Variants in ECPAS observed in about 807,000 individuals in gnomAD.
ECPAS encodes proteasome adapter and scaffold protein ECM29.
In ECPAS, 70 loss-of-function variants were observed where a neutral mutation model predicts 255.1. The ratio of observed to expected loss-of-function variants is 0.27; its 90% CI spans 0.23 to 0.33. The LOEUF (loss-of-function observed/expected upper bound fraction) is 0.33, where lower values mean the gene tolerates loss of function less well. ECPAS is among the 10% of genes least tolerant of loss of function. The pLI is 1.00. For missense variants in ECPAS, 1,817 were observed against 2,206.4 expected (o/e 0.82, Z 3.54); for synonymous variants, 784 against 775.0 (o/e 1.01, Z -0.19).
intron 2 of ECPAS, among the ~76,000 whole-genome samples, chr9:111,471,893 AG>A (rs2098288707): frequency 6.6e-6 from 1 of 152,124 alleles, no homozygotes; most frequent in Non-Finnish European, 1.5e-5. Context: ...GCTTGAGCTC[AG>A]GAGTTCCAGA....
chr9:111,428,245 G>A (rs2098224608), intron 9 of ECPAS, 84 bp from the exon 10 acceptor site: 1 of 1,339,266 alleles, frequency 7.5e-7, no homozygotes. Context: ...CTTAATCAGT[G>A]GTCTCTCAAA....
chr9:111,377,820 C>A (rs1589120875), intron 36 of ECPAS, among the ~76,000 whole-genome samples: 1 of 152,182 alleles, frequency 6.6e-6, no homozygotes, highest in Admixed American at 6.5e-5. Flanking sequence ...TAACTTTTCA[C>A]AATAAATATG....
intron 2 of ECPAS, among the ~76,000 whole-genome samples, chr9:111,471,611 T>A (rs1031035328): frequency 3.9e-5 from 6 of 152,122 alleles, no homozygotes; most frequent in Non-Finnish European, 8.8e-5. Flanking sequence ...TATCAGAGAA[T>A]TACAATCTGA....
intron 3 of ECPAS, among the ~76,000 whole-genome samples, chr9:111,450,730 C>G (rs118029910): frequency 6.6e-6 from 1 of 152,084 alleles, no homozygotes. Flanking sequence ...GAGTTTGAGA[C>G]CAGCCTGAGC....
At chr9:111,423,911 G>C (rs923785140) in intron 12 of ECPAS, among the ~76,000 whole-genome samples, 1 of 152,134 alleles carries the variant, frequency 6.6e-6, no homozygotes, top group Non-Finnish European at 1.5e-5. Flanking sequence ...CCTAGGATTT[G>C]CCCTTCCACA....
chr9:111,405,234 G>A (rs888329269), intron 24 of ECPAS, among the ~76,000 whole-genome samples: 1 of 149,698 alleles, frequency 6.7e-6, no homozygotes, highest in Non-Finnish European at 1.5e-5. Context: ...CAATGGAACA[G>A]AATAGAGAAC....
Position 111,472,918 on chromosome 9 carries a change from T to TG in ECPAS, c.-1dup. 1 of 1,244,942 alleles carries TG rather than the reference T, an allele frequency of 8.0e-7. No individual in the cohort carries two copies. Among genetic ancestry groups the TG allele is most frequent in the Non-Finnish European group, 1.0e-6 (1 of 962,844 alleles). 77.1% of individuals were successfully genotyped at this position (1,244,942 alleles called of 1,614,324 possible). On this transcript the variant is annotated 5_prime_UTR_variant, in exon 2 of 50. Transcript: ENST00000684092. ...TAACCTCTACAATCAATGTGATACA[T>TG]GGTTTATCCAATCTTGACAAAAATC...
At position 111,369,506 on chromosome 9, in the gene ECPAS, C is replaced by T. The variant is rs1011467222; in HGVS notation, c.4975-333G>A. On this transcript the variant is annotated intron_variant, in intron 45 of 49. Coordinates refer to ENST00000684092, the MANE Select transcript of ECPAS (RefSeq NM_001364929.1). ...GTAATGATCTAAATCCAAACTCTTT[C>T]TTGATAGAGAAACAGAGGCTAAGAG... Among the ~76,000 whole-genome samples, 12 of 152,176 alleles carry T rather than the reference C, an allele frequency of 7.9e-5. No individual in the cohort carries two copies. The East Asian group carries it at 2.3e-3, about 29-fold the overall frequency.
rs757014784 is a variant in ECPAS at position 111,410,170 on chromosome 9, G to A, written c.2421C>T (p.Ala807=). The A allele has an allele frequency of 2.5e-6, 4 of 1,613,264 alleles. No homozygotes were observed. Among genetic ancestry groups the A allele is most frequent in the Non-Finnish European group, 3.4e-6 (4 of 1,179,646 alleles). ...DSTSPLLAIA[A]CTALGEIGRN... is the part of the protein sequence containing the mutation. ...TGCCAATTTCACCCAGGGCTGTGCA[G>A]GCAGCAATTGCCAGGAGGGGTGATG... Residue 807 remains alanine (A), a synonymous_variant, in exon 23 of 50, where the codon GCC becomes GCT. Coordinates refer to ENST00000684092, the MANE Select transcript of ECPAS (RefSeq NM_001364929.1).
Position 111,360,828 on chromosome 9 carries a change from C to T in ECPAS, c.*1202G>A, listed in dbSNP as rs776308174. The T allele has an allele frequency of 1.3e-5, 2 of 152,122 alleles. No homozygotes were observed. The highest frequency in any genetic ancestry group is 1.3e-4 in the Admixed American group (2 of 15,276). The allele number at this position is 152,122 out of a possible 1,614,324, so 9.4% of individuals were successfully genotyped here. A position where few individuals can be genotyped will look rare whatever the true frequency, so the allele number is the denominator to read the frequency against. ...TAAACATGGAGATTCCTGGTGTTAACGTCAATAAGGATGAGTACTGAATGT... is the reference window on the plus strand; with the variant it reads ...TAAACATGGAGATTCCTGGTGTTAATGTCAATAAGGATGAGTACTGAATGT... On this transcript the variant is annotated 3_prime_UTR_variant, in exon 50 of 50. Coordinates refer to ENST00000684092, the MANE Select transcript of ECPAS (RefSeq NM_001364929.1).
chr9:111,473,445 C>A (rs1009864996), intron 1 of ECPAS, among the ~76,000 whole-genome samples: 1 of 152,128 alleles, frequency 6.6e-6, no homozygotes. Context: ...GACATAACCC[C>A]GGCCACCGCT....
At chr9:111,448,815 C>T (rs1176906465) in intron 3 of ECPAS, among the ~76,000 whole-genome samples, 9 of 152,188 alleles carry the variant, frequency 5.9e-5, no homozygotes. Flanking sequence ...AAAAACAACA[C>T]TCTTATAAAT....
At chr9:111,472,839 AT>A in intron 2 of ECPAS, 57 bp downstream of exon 2, 4 of 545,320 alleles carry the variant, frequency 7.3e-6, no homozygotes, top group Admixed American at 4.5e-5. Flanking sequence ...TAACCTATGC[AT>A]TTTTAAATGC....
At chr9:111,408,050 C>A (rs531819598) in intron 24 of ECPAS, among the ~76,000 whole-genome samples, 1 of 152,146 alleles carries the variant, frequency 6.6e-6, no homozygotes, top group Admixed American at 6.5e-5. Flanking sequence ...CAGTGCAAGG[C>A]GGCCAAAGAG....
At position 111,428,118 on chromosome 9, in the gene ECPAS, G is replaced by A. The variant is rs2098224457; in HGVS notation, c.974C>T (p.Thr325Ile). 6.2e-7 allele frequency: 1 copy of A among 1,612,776 alleles called. No homozygotes were observed. The highest frequency in any genetic ancestry group is 8.5e-7 in the Non-Finnish European group (1 of 1,179,212). The change falls in exon 10 of 50, where the codon ACA (threonine) becomes ATA (isoleucine). Residue 325 changes from threonine to isoleucine, a missense_variant. Around this residue, in one of 4 missense-constraint regions of ECPAS, gnomAD observed 573 missense variants for 716.2 expected, o/e 0.80. Coordinates refer to ENST00000684092, the MANE Select transcript of ECPAS (RefSeq NM_001364929.1). ...GGGGACAATCTTTAACTTGACTCTT[G>A]TACTGACAGGGTCCCTTTTCAACTC... ...KPELKRDPVS[T>I]RVKLKIVPHL... is the part of the protein sequence containing the mutation.
At chr9:111,426,994 T>C (rs181024674) in intron 10 of ECPAS, among the ~76,000 whole-genome samples, 398 of 151,828 alleles carry the variant, frequency 2.6e-3, no homozygotes, top group African/African-American at 8.0e-3. Context: ...CAAAAAGATA[T>C]GGGACAAAAT....
At chr9:111,375,709 A>G (rs2098132644) in intron 37 of ECPAS, among the ~76,000 whole-genome samples, 1 of 152,134 alleles carries the variant, frequency 6.6e-6, no homozygotes, top group Admixed American at 6.5e-5. Flanking sequence ...TATTTCTTTA[A>G]ATTTTTATTT....
intron 1 of ECPAS, among the ~76,000 whole-genome samples, chr9:111,481,462 C>G (rs1402015149): frequency 1.3e-5 from 2 of 151,880 alleles, no homozygotes; most frequent in Non-Finnish European, 2.9e-5. Flanking sequence ...GCGGAGATCG[C>G]GCCACTGCAC....
At chr9:111,454,645 T>A (rs780019474) in intron 2 of ECPAS, among the ~76,000 whole-genome samples, 4 of 152,058 alleles carry the variant, frequency 2.6e-5, no homozygotes, top group African/African-American at 4.8e-5. Context: ...ATAAGCTTGT[T>A]CAAGTTTCAC....
Sources: gnomAD v4.1 joint callset for allele counts (sites outside exome capture counted in the v4.1 genomes callset) on GRCh38, gnomAD v4.1.1 for gene constraint, gnomAD v4.1.1 regional missense constraint, MANE v1.5 for transcripts, NCBI Gene and HGNC (gene_info 2026-07-23, HGNC 2026-07-21) for gene names.